PIK3AP1: variants seen among roughly 807,000 people sequenced by gnomAD.
The protein encoded by PIK3AP1 is phosphoinositide 3-kinase adapter protein 1.
PIK3AP1 carries 21 observed loss-of-function variants against 88.1 expected under a neutral mutation model. The observed-to-expected ratio is 0.24, with a 90% CI of 0.17 to 0.34. PIK3AP1 has a LOEUF of 0.34. PIK3AP1 is among the 10% of genes least tolerant of loss of function. The probability of loss-of-function intolerance (pLI) is 1.00; values close to 1 mark genes in which losing one functional copy is unlikely to be tolerated. For synonymous variants in PIK3AP1, 398 were observed against 400.0 expected (o/e 1.00, Z 0.06); for missense variants, 828 against 1,035.7 (o/e 0.80, Z 2.75).
intron 8 of PIK3AP1, among the ~76,000 whole-genome samples, chr10:96,638,954 G>A (rs80098736): frequency 7.2e-6 from 1 of 139,532 alleles, no homozygotes; most frequent in African/African-American, 2.6e-5. Context: ...AAATATTTTT[G>A]AATGAATGAA....
At position 96,612,976 on chromosome 10, in the gene PIK3AP1, ATATATATTTTTTTTTTTTTTTTTT is replaced by A. The variant is rs1849147324; in HGVS notation, c.2015-3133_2015-3110del. Reference sequence around the variant, plus strand: ...TATATATATATATATATATATATATATATATATTTTTTTTTTTTTTTTTTTTTTTTTTTTTTTTTTGAGACAGAG... The same window carrying A: ...TATATATATATATATATATATATATATTTTTTTTTTTTTTTTGAGACAGAG... On this transcript the variant is annotated intron_variant, in intron 13 of 16. Transcript: ENST00000339364. 8.2e-3 allele frequency among the ~76,000 whole-genome samples: 489 copies of A among 59,540 alleles called. 3 individuals are homozygous for A. The highest frequency in any genetic ancestry group is 0.05 in the Middle Eastern group (4 of 80). The allele number at this position is 59,540 out of a possible 152,430, so 39.1% of individuals were successfully genotyped here. A position where few individuals can be genotyped will look rare whatever the true frequency, so the allele number is the denominator to read the frequency against.
intron 2 of PIK3AP1, among the ~76,000 whole-genome samples, chr10:96,670,962 GAACA>G (rs1263505150): frequency 1.3e-5 from 2 of 152,162 alleles, no homozygotes; most frequent in African/African-American, 4.8e-5. Context: ...CTGCTTTCAA[GAACA>G]AATAAGTTGC....
At chr10:96,658,201 C>T (rs1214697222) in intron 2 of PIK3AP1, among the ~76,000 whole-genome samples, 2 of 152,210 alleles carry the variant, frequency 1.3e-5, no homozygotes, top group Admixed American at 6.5e-5. Context: ...AACCCGAGGA[C>T]GAATCAGACA....
rs563804625 is a variant in PIK3AP1, at chr10:96,720,146, T to C, written c.13+236A>G. 2.3e-3 allele frequency among the ~76,000 whole-genome samples: 342 copies of C among 151,554 alleles called. 1 individual carries two copies. The highest frequency in any genetic ancestry group is 4.4e-3 in the Non-Finnish European group (301 of 67,820). On this transcript the variant is annotated intron_variant, in intron 1 of 16. Coordinates refer to ENST00000339364, the MANE Select transcript of PIK3AP1 (RefSeq NM_152309.3). The surrounding 1 kb of genome is among the most constrained non-coding windows in gnomAD (Gnocchi z 4.6). ...GGGAGCGAAGGAGACCCTGAAGAAG[T>C]GGGAGGGGGTCGGGCCAGGCAGGGG...
Position 96,652,794 on chromosome 10 carries a change from C to A in PIK3AP1, c.616G>T (p.Val206Leu), listed in dbSNP as rs1008520865. 6.2e-7 allele frequency: 1 copy of A among 1,614,132 alleles called. No homozygotes were observed. Among genetic ancestry groups the A allele is most frequent in the African/African-American group, 1.3e-5 (1 of 75,036 alleles). ...VIVRCKLDDR[V>L]ATEAEFSPED... ...GGAGAAAACTCTGCTTCTGTCGCCA[C>A]CCTGTCATCCAGCTTACATCTCACA... Residue 206 changes from valine (V) to leucine (L), a missense_variant, in exon 4 of 17, where the codon GTG (valine) becomes TTG (leucine). Coordinates refer to ENST00000339364, the MANE Select transcript of PIK3AP1 (RefSeq NM_152309.3).
At position 96,626,831 on chromosome 10, in the gene PIK3AP1, C is replaced by A; in HGVS notation, c.1546G>T (p.Val516Leu). The change falls in exon 10 of 17, where the codon GTG (valine) becomes TTG (leucine). Residue 516 changes from valine to leucine, a missense_variant. This residue lies in a region of PIK3AP1 where 610 missense variants were observed against 760.1 expected (regional missense o/e 0.80). Coordinates refer to ENST00000339364, the MANE Select transcript of PIK3AP1 (RefSeq NM_152309.3). ...LGQEEDVYHTVDDDEAFSVDL... is the reference protein window; with the variant it reads ...LGQEEDVYHTLDDDEAFSVDL... Reference sequence around the variant, plus strand: ...ACAGAAAAGGCCTCATCGTCATCCACCGTGTGATAAACATCTTCTTCCTGA... The same window carrying A: ...ACAGAAAAGGCCTCATCGTCATCCAACGTGTGATAAACATCTTCTTCCTGA... 1 of 1,614,192 alleles carries A rather than the reference C, an allele frequency of 6.2e-7. No individual in the cohort carries two copies. Among genetic ancestry groups the A allele is most frequent in the Non-Finnish European group, 8.5e-7 (1 of 1,179,978 alleles).
intron 2 of PIK3AP1, among the ~76,000 whole-genome samples, chr10:96,706,188 C>T (rs950626332): frequency 1.5e-4 from 23 of 152,152 alleles, no homozygotes; most frequent in Admixed American, 1.4e-3. Flanking sequence ...CCACCGCTCC[C>T]GGCCATGCCC....
At chr10:96,711,090 AG>A (rs1250589183) in intron 1 of PIK3AP1, among the ~76,000 whole-genome samples, 1 of 152,222 alleles carries the variant, frequency 6.6e-6, no homozygotes, top group Non-Finnish European at 1.5e-5. Context: ...AGAGTCAAAA[AG>A]GGCTTTTAGG....
chr10:96,672,930 G>GT lies in PIK3AP1; in HGVS notation c.431-15997dup, dbSNP rs140308112. Among the ~76,000 whole-genome samples, 809 of 152,340 alleles carry GT rather than the reference G, an allele frequency of 5.3e-3. 7 individuals are homozygous for GT. Among genetic ancestry groups the GT allele is most frequent in the African/African-American group, 0.019 (778 of 41,582 alleles). ...CTCCTTTCAGTGTCTCCAGGCACAT[G>GT]TGACAGAGATGACTATCTCCATTTT... On this transcript the variant is annotated intron_variant, in intron 2 of 16. Transcript: ENST00000339364.
Position 96,620,412 on chromosome 10 carries a change from G to C in PIK3AP1, c.1881C>G (p.Leu627=), listed in dbSNP as rs753071212. 4.5e-5 allele frequency: 72 copies of C among 1,614,030 alleles called. No individual in the cohort carries two copies. The highest frequency in any genetic ancestry group is 5.9e-5 in the Non-Finnish European group (70 of 1,180,038). The part of the protein sequence containing the change: ...LGIVNVDEAV[L]HFKEWQLNQK... ...GGTTGAGCTGCCACTCTTTGAAGTG[G>C]AGCACAGCCTCATCCACGTTGACAA... The change falls in exon 12 of 17, where the codon CTC becomes CTG. Residue 627 remains leucine, a synonymous_variant. Coordinates refer to ENST00000339364, the MANE Select transcript of PIK3AP1 (RefSeq NM_152309.3).
chr10:96,720,388 C>T lies in PIK3AP1; in HGVS notation c.7G>A (p.Ala3Thr). MA[A>T]SGVPRGCDIL... ...GCGGCGCCTGCCTACCCACCTGAGG[C>T]TGCCATGCCGCGGGGCGCCGCTCAC... Residue 3 changes from alanine to threonine, a missense_variant, in exon 1 of 17, where the codon GCC (alanine) becomes ACC (threonine). Coordinates refer to ENST00000339364, the MANE Select transcript of PIK3AP1 (RefSeq NM_152309.3). The surrounding 1 kb of genome is among the most constrained non-coding windows in gnomAD (Gnocchi z 4.6). The T allele has an allele frequency of 8.1e-7, 1 of 1,240,210 alleles. No homozygotes were observed. The highest frequency in any genetic ancestry group is 1.0e-6 in the Non-Finnish European group (1 of 987,432). 76.8% of individuals were successfully genotyped at this position (1,240,210 alleles called of 1,614,324 possible). A position where few individuals can be genotyped will look rare whatever the true frequency, so the allele number is the denominator to read the frequency against.
chr10:96,651,746 G>A, intron 4 of PIK3AP1, 95 bp from the exon 5 acceptor site: 1 of 1,392,776 alleles, frequency 7.2e-7, no homozygotes, highest in South Asian at 1.3e-5. Flanking sequence ...TGAGTGGTGA[G>A]GACACTAATT....
chr10:96,612,632 G>A lies in PIK3AP1; in HGVS notation c.2015-2765C>T, dbSNP rs556668700. ...TGCTGCCCTTCAACCTCAGCATGCA[G>A]TACAGGGTCCAACTTCTAATTGCCT... On this transcript the variant is annotated intron_variant, in intron 13 of 16. Coordinates refer to ENST00000339364, the MANE Select transcript of PIK3AP1 (RefSeq NM_152309.3). Among the ~76,000 whole-genome samples, 121 of 152,178 alleles carry A rather than the reference G, an allele frequency of 8.0e-4. 1 individual carries two copies. Among genetic ancestry groups the A allele is most frequent in the Admixed American group, 8.5e-4 (13 of 15,278 alleles).
At chr10:96,616,754 G>C in intron 12 of PIK3AP1, 43 bp from the exon 13 acceptor site, 1 of 1,550,674 alleles carries the variant, frequency 6.4e-7, no homozygotes, top group South Asian at 1.1e-5. Context: ...ACAACAGGAT[G>C]ATACCCTCTG....
chr10:96,612,722 T>C (rs1849134592), intron 13 of PIK3AP1, among the ~76,000 whole-genome samples: 1 of 151,802 alleles, frequency 6.6e-6, no homozygotes, highest in African/African-American at 2.4e-5. Flanking sequence ...CAAAGGCTGA[T>C]GGGGGCTGGT....
In PIK3AP1 at chr10:96,593,428, T is replaced by C. The variant is rs1848704960; in HGVS notation, c.*2149A>G. The C allele has an allele frequency of 6.6e-6, 1 of 152,234 alleles. No homozygotes were observed. Among genetic ancestry groups the C allele is most frequent in the Non-Finnish European group, 1.5e-5 (1 of 68,040 alleles). The allele number at this position is 152,234 out of a possible 1,614,324, so 9.4% of individuals were successfully genotyped here. A position where few individuals can be genotyped will look rare whatever the true frequency, so the allele number is the denominator to read the frequency against. ...TGTGCATACAAAGATGCTAACAACA[T>C]TGGCTGGTAATAGGCTTTACCATGT... is the stretch of plus-strand genomic sequence containing the variant. On this transcript the variant is annotated 3_prime_UTR_variant, in exon 17 of 17. Coordinates refer to ENST00000339364, the MANE Select transcript of PIK3AP1 (RefSeq NM_152309.3).
In PIK3AP1 at chr10:96,629,930, A is replaced by AAAAAAAAAAAAAAGAAG. The variant is rs776780994; in HGVS notation, c.1376-1438_1376-1437insCTTCTTTTTTTTTTTTT. On this transcript the variant is annotated intron_variant, in intron 8 of 16. Transcript: ENST00000339364. ...CAACCAAAAAAAAAAAAAAAAAAAA[A>AAAAAAAAAAAAAAGAAG]AAGAAGAAGAAGAAGAAGAAGAAGA... Among the ~76,000 whole-genome samples, 39 of 13,688 alleles carry AAAAAAAAAAAAAAGAAG rather than the reference A, an allele frequency of 2.8e-3. 2 individuals carry two copies. Among genetic ancestry groups the AAAAAAAAAAAAAAGAAG allele is most frequent in the East Asian group, 7.6e-3 (2 of 262 alleles). 9.0% of individuals were successfully genotyped at this position (13,688 alleles called of 152,430 possible). A position where few individuals can be genotyped will look rare whatever the true frequency, so the allele number is the denominator to read the frequency against.
intron 16 of PIK3AP1, 76 bp from the exon 17 acceptor site, chr10:96,595,710 C>T: frequency 6.2e-6 from 9 of 1,449,126 alleles, no homozygotes; most frequent in Middle Eastern, 1.9e-4. Context: ...CAATTTGTTG[C>T]AAACTTGGTA....
intron 2 of PIK3AP1, among the ~76,000 whole-genome samples, chr10:96,708,574 CAAAAAAAAAAAA>C (rs924470384): frequency 1.6e-4 from 2 of 12,832 alleles, no homozygotes; most frequent in African/African-American, 2.2e-4. Flanking sequence ...GGATCTGTCT[CAAAAAAAAAAAA>C]AAAAAAAAAA....
Sources: allele counts gnomAD v4.1 joint callset (sites outside exome capture counted in the v4.1 genomes callset), GRCh38; gene constraint gnomAD v4.1.1; regional missense constraint gnomAD v4.1.1; non-coding constraint Gnocchi (gnomAD v3.1); transcripts MANE v1.5; gene names NCBI Gene and HGNC (gene_info 2026-07-23, HGNC 2026-07-21).